Variants in SEL1L observed in about 807,000 individuals in gnomAD.
SEL1L encodes SEL1L adaptor subunit of SYVN1 ubiquitin ligase.
A neutral mutation model predicts 109.8 loss-of-function variants in SEL1L; 52 were observed. That is an observed-to-expected ratio of 0.47 (90% CI 0.38 to 0.60). The LOEUF (loss-of-function observed/expected upper bound fraction) is 0.60. Ranked by LOEUF, SEL1L falls within the 20% of genes least tolerant of loss-of-function variation. The probability of loss-of-function intolerance (pLI) is 0.00; values close to 1 mark genes in which losing one functional copy is unlikely to be tolerated. For missense variants in SEL1L, 749 were observed against 962.2 expected, an observed-to-expected ratio of 0.78 and a Z score of 2.93; for synonymous variants, 373 against 339.6, an observed-to-expected ratio of 1.10 and a Z score of -1.08.
chr14:81,493,712 C>T (rs918519277), intron 11 of SEL1L, among the ~76,000 whole-genome samples: 1 of 152,138 alleles, frequency 6.6e-6, no homozygotes, highest in Non-Finnish European at 1.5e-5. Flanking sequence ...GGCTTCCATA[C>T]ACTACATCAA....
chr14:81,524,188 A>G (rs1885026488), intron 3 of SEL1L, among the ~76,000 whole-genome samples: 1 of 152,198 alleles, frequency 6.6e-6, no homozygotes, highest in Admixed American at 6.5e-5. Context: ...AATAATTAAA[A>G]GATCCAGGCA....
At chr14:81,493,082 T>C (rs1883610256) in intron 11 of SEL1L, among the ~76,000 whole-genome samples, 1 of 152,228 alleles carries the variant, frequency 6.6e-6, no homozygotes, top group African/African-American at 2.4e-5. Flanking sequence ...ATCACCACTC[T>C]CAACTGTATT....
At chr14:81,505,144 T>C (rs139763527) in intron 4 of SEL1L, among the ~76,000 whole-genome samples, 15 of 152,330 alleles carry the variant, frequency 9.8e-5, no homozygotes, top group East Asian at 7.7e-4. Flanking sequence ...TTTAGCTCTA[T>C]TGGAAATACT....
chr14:81,490,463 C>G lies in SEL1L; in HGVS notation c.1257G>C (p.Met419Ile). Residue 419 changes from methionine to isoleucine, a missense_variant and splice_region_variant, in exon 13 of 21, where the codon ATG becomes ATC. Physicochemically the swap from Met to Ile is conservative, Grantham distance 10. Transcript: ENST00000336735. ...NSHAMAFLGK[M>I]YSEGSDIVPQ... The stretch of plus-strand genomic sequence containing the variant: ...GTACAATGTCACTTCCTTCCGAATA[C>G]ATCTGGAAAACAGATCCCAATTTCA... The G allele has an allele frequency of 6.2e-7, 1 of 1,612,588 alleles. No homozygotes were observed. The highest frequency in any genetic ancestry group is 8.5e-7 in the Non-Finnish European group (1 of 1,178,694).
chr14:81,513,190 C>A (rs898340359), intron 3 of SEL1L, among the ~76,000 whole-genome samples: 11 of 152,190 alleles, frequency 7.2e-5, no homozygotes, highest in African/African-American at 2.7e-4. Flanking sequence ...GACCAATCAG[C>A]GCTCCGTAAA....
intron 6 of SEL1L, 71 bp from the exon 7 acceptor site, chr14:81,499,733 C>T (rs1034992717): frequency 2.4e-6 from 3 of 1,234,798 alleles, no homozygotes; most frequent in Non-Finnish European, 2.3e-6. Flanking sequence ...CAGACAGACA[C>T]AGTTTTATAT....
intron 3 of SEL1L, among the ~76,000 whole-genome samples, chr14:81,513,925 G>A (rs546323612): frequency 6.6e-6 from 1 of 152,294 alleles, no homozygotes; most frequent in Admixed American, 6.5e-5. Flanking sequence ...AAGTCACGTC[G>A]CCCAAGTGAG....
In SEL1L at chr14:81,472,137, A is replaced by G. The variant is rs1418990104; in HGVS notation, c.*4835T>C. 6.5e-6 allele frequency: 1 copy of G among 153,908 alleles called. No homozygotes were observed. Among genetic ancestry groups the G allele is most frequent in the Admixed American group, 6.5e-5 (1 of 15,486 alleles). 9.5% of individuals were successfully genotyped at this position (153,908 alleles called of 1,614,324 possible). On this transcript the variant is annotated 3_prime_UTR_variant, in exon 21 of 21. Transcript: ENST00000336735. The stretch of plus-strand genomic sequence containing the variant: ...GTTGCAGCCAATGAAGATGGAGGAC[A>G]TTCTAATGACTTGCCAGAAAGAGGC...
chr14:81,476,692 C>T lies in SEL1L; in HGVS notation c.*280G>A, dbSNP rs77073293. The T allele has an allele frequency of 0.024, 9,381 of 397,690 alleles. 641 individuals are homozygous for T. The highest frequency in any genetic ancestry group is 0.16 in the African/African-American group (7,837 of 50,490). 24.6% of individuals were successfully genotyped at this position (397,690 alleles called of 1,614,324 possible). A position where few individuals can be genotyped will look rare whatever the true frequency, so the allele number is the denominator to read the frequency against. ...ATAGCTGGATACAGTAGACATTACT[C>T]TGAGTGTCTCACATATGTTTCCAGA... On this transcript the variant is annotated 3_prime_UTR_variant, in exon 21 of 21. Transcript: ENST00000336735.
At chr14:81,501,677 A>C (rs1268948951) in intron 6 of SEL1L, among the ~76,000 whole-genome samples, 1 of 152,158 alleles carries the variant, frequency 6.6e-6, no homozygotes, top group Non-Finnish European at 1.5e-5. Context: ...AGCTTGAATA[A>C]GCTTGAATTA....
At chr14:81,506,775 T>C (rs1884256025) in intron 3 of SEL1L, among the ~76,000 whole-genome samples, 1 of 152,232 alleles carries the variant, frequency 6.6e-6, no homozygotes. Flanking sequence ...CATTGGACTT[T>C]GAGCTTGTTA....
At chr14:81,498,272 C>T in intron 9 of SEL1L, 141 bp downstream of exon 9, 1 of 831,910 alleles carries the variant, frequency 1.2e-6, no homozygotes. Flanking sequence ...AAAAGTACTT[C>T]TGAACCTCAA....
At chr14:81,518,905 A>G (rs1884808193) in intron 3 of SEL1L, among the ~76,000 whole-genome samples, 1 of 152,124 alleles carries the variant, frequency 6.6e-6, no homozygotes, top group Admixed American at 6.5e-5. Flanking sequence ...CTGTGCAGAG[A>G]AGAGTTAAAA....
At chr14:81,525,729 T>A (rs1192230463) in intron 3 of SEL1L, among the ~76,000 whole-genome samples, 1 of 152,176 alleles carries the variant, frequency 6.6e-6, no homozygotes, top group Non-Finnish European at 1.5e-5. Flanking sequence ...GTACCATATA[T>A]TTACAAATAA....
chr14:81,489,136 G>A lies in SEL1L; in HGVS notation c.1395+116C>T, dbSNP rs192027609. On this transcript the variant is annotated intron_variant, in intron 14 of 20. Transcript: ENST00000336735. The stretch of plus-strand genomic sequence containing the variant: ...AACTCAGACAACAGAAAGAGGTTCA[G>A]CTTTGCTTACAATGGAACAGCCCCA... 2,154 of 860,766 alleles carry A rather than the reference G, an allele frequency of 2.5e-3. 18 individuals are homozygous for A. The highest frequency in any genetic ancestry group is 0.016 in the Middle Eastern group (54 of 3,412). The allele number at this position is 860,766 out of a possible 1,614,324, so 53.3% of individuals were successfully genotyped here.
chr14:81,532,850 C>T (rs1321078603), intron 1 of SEL1L, among the ~76,000 whole-genome samples: 1 of 152,080 alleles, frequency 6.6e-6, no homozygotes, highest in Non-Finnish European at 1.5e-5. Context: ...TTTTACTGTA[C>T]TAATTTTTAT....
intron 19 of SEL1L, among the ~76,000 whole-genome samples, chr14:81,480,825 T>C (rs1165338018): frequency 2.6e-5 from 4 of 152,226 alleles, no homozygotes; most frequent in African/African-American, 9.6e-5. Context: ...AGGGATCTGC[T>C]GAGAATAGGC....
chr14:81,513,512 C>A (rs1377157837), intron 3 of SEL1L, among the ~76,000 whole-genome samples: 1 of 152,166 alleles, frequency 6.6e-6, no homozygotes, highest in African/African-American at 2.4e-5. Context: ...TGGCTTCATT[C>A]TTGAAGTCAG....
At chr14:81,483,517 G>A (rs115314809) in intron 19 of SEL1L, among the ~76,000 whole-genome samples, 4,096 of 152,228 alleles carry the variant, frequency 0.027, 181 homozygotes, top group African/African-American at 0.094. Flanking sequence ...TACAGAAGTC[G>A]TGGTAGAAAA....
Sources: gnomAD v4.1 joint callset for allele counts (sites outside exome capture counted in the v4.1 genomes callset) on GRCh38, gnomAD v4.1.1 for gene constraint, MANE v1.5 for transcripts, NCBI Gene and HGNC (gene_info 2026-07-23, HGNC 2026-07-21) for gene names.